The following PVT1 variants were observed in gnomAD, a reference collection of about 807,000 sequenced individuals.
PVT1 encodes Pvt1 oncogene, also known as CXCR4/PVT1 fusion.
At chr8:127,960,726 T>C (rs746082644) in intron 3 of PVT1, 2 of 500,324 alleles carry the variant, frequency 4.0e-6, no homozygotes, top group Admixed American at 4.7e-5. Flanking sequence ...AACTGAGGCA[T>C]AGATAACTGT....
rs769415252 is a variant in PVT1 at position 127,984,877 on chromosome 8, C to CTTTCT, written n.783-4282_783-4278dup. ...TCTTTCTTTCTTTCTTTCTTTCTTT[C>CTTTCT]TTTCTTTCTTTCTTTCTTTCTTTCT... On this transcript the variant is annotated intron_variant and non_coding_transcript_variant, in intron 3 of 10. Coordinates refer to ENST00000651587, the Ensembl canonical transcript of PVT1. Among the ~76,000 whole-genome samples the CTTTCT allele has an allele frequency of 1.1e-4, 10 of 87,436 alleles. 1 individual carries two copies. The highest frequency in any genetic ancestry group is 3.1e-4 in the Admixed American group (2 of 6,448). The allele number at this position is 87,436 out of a possible 152,430, so 57.4% of individuals were successfully genotyped here.
At chr8:127,900,410 C>T (rs180997091) in intron 3 of PVT1, among the ~76,000 whole-genome samples, 2 of 152,246 alleles carry the variant, frequency 1.3e-5, no homozygotes, top group Non-Finnish European at 2.9e-5. Flanking sequence ...CCTTGTCTCC[C>T]ATTCCCCATC....
chr8:127,886,448 C>T (rs1366195427), intron 2 of PVT1, among the ~76,000 whole-genome samples: 1 of 152,176 alleles, frequency 6.6e-6, no homozygotes, highest in Non-Finnish European at 1.5e-5. Context: ...ACTAAAATTA[C>T]ATGTCTGTTA....
chr8:128,084,621 G>A (rs3913317), intron 5 of PVT1, among the ~76,000 whole-genome samples: 2,916 of 152,304 alleles, frequency 0.019, 84 homozygotes, highest in African/African-American at 0.067. Context: ...TTCTGTAGCA[G>A]GTGATCACTA....
At chr8:128,004,610 G>A (rs571379514) in intron 4 of PVT1, among the ~76,000 whole-genome samples, 6 of 152,262 alleles carry the variant, frequency 3.9e-5, no homozygotes, top group Non-Finnish European at 8.8e-5. Flanking sequence ...TATTTGTGGC[G>A]TTAGGACAAC....
At chr8:127,901,068 G>T (rs1201555244) in intron 3 of PVT1, among the ~76,000 whole-genome samples, 1 of 152,212 alleles carries the variant, frequency 6.6e-6, no homozygotes, top group Non-Finnish European at 1.5e-5. Context: ...GGCCTGGAGT[G>T]GGGGTGTGAA....
At chr8:127,854,106 G>A (rs1815136793) in intron 2 of PVT1, among the ~76,000 whole-genome samples, 1 of 152,190 alleles carries the variant, frequency 6.6e-6, no homozygotes. Flanking sequence ...GCATGGCCTT[G>A]CCCTCCGTAG....
chr8:128,093,931 G>A (rs764501045), intron 5 of PVT1, among the ~76,000 whole-genome samples: 14 of 152,144 alleles, frequency 9.2e-5, no homozygotes, highest in African/African-American at 1.2e-4. Context: ...CCACCGTGCC[G>A]TGCCAGCTCT....
intron 4 of PVT1, among the ~76,000 whole-genome samples, chr8:128,051,725 G>C (rs1219513801): frequency 6.6e-6 from 1 of 152,052 alleles, no homozygotes; most frequent in African/African-American, 2.4e-5. Context: ...TGCTGCTGAA[G>C]TTCCTTATAG....
intron 2 of PVT1, among the ~76,000 whole-genome samples, chr8:127,817,390 T>A (rs901332302): frequency 1.5e-5 from 2 of 135,820 alleles, no homozygotes; most frequent in Admixed American, 1.6e-4. Context: ...TATATCTATT[T>A]AATATATATT....
chr8:127,908,938 G>C (rs1326553280), intron 3 of PVT1, among the ~76,000 whole-genome samples: 2 of 152,134 alleles, frequency 1.3e-5, no homozygotes, highest in South Asian at 2.1e-4. Context: ...CCAGCTGCCG[G>C]GTCTTCAAAG....
At chr8:127,934,577 G>GA (rs1348139336) in intron 3 of PVT1, among the ~76,000 whole-genome samples, 3 of 152,242 alleles carry the variant, frequency 2.0e-5, no homozygotes, top group Admixed American at 1.3e-4. Flanking sequence ...GGTCAGGAAA[G>GA]AGTGAATGGG....
At chr8:127,910,151 C>T (rs186872937) in intron 3 of PVT1, among the ~76,000 whole-genome samples, 90 of 152,144 alleles carry the variant, frequency 5.9e-4, no homozygotes, top group Middle Eastern at 3.4e-3. Flanking sequence ...GAGCAATTAG[C>T]GGGGTGCCTA....
intron 2 of PVT1, among the ~76,000 whole-genome samples, chr8:127,873,550 A>C (rs978487256): frequency 6.6e-6 from 1 of 152,060 alleles, no homozygotes; most frequent in Non-Finnish European, 1.5e-5. Context: ...CCGGCGTGCA[A>C]TTTGCATGGA....
At chr8:127,996,986 A>G in intron 4 of PVT1, among the ~76,000 whole-genome samples, 1 of 146,674 alleles carries the variant, frequency 6.8e-6, no homozygotes, top group East Asian at 2.1e-4. Flanking sequence ...CAGGACCCTG[A>G]GGATTTCAGC....
intron 2 of PVT1, among the ~76,000 whole-genome samples, chr8:127,873,962 C>A (rs1353435588): frequency 6.6e-6 from 1 of 152,222 alleles, no homozygotes; most frequent in Admixed American, 6.5e-5. Flanking sequence ...GCACCACTAG[C>A]TGCCAAGCAG....
chr8:127,806,336 C>T (rs1374220498), intron 2 of PVT1, among the ~76,000 whole-genome samples: 1 of 152,048 alleles, frequency 6.6e-6, no homozygotes, highest in Non-Finnish European at 1.5e-5. Context: ...TGGCGTGTGC[C>T]TGTAGTCCCA....
At chr8:127,890,400 A>C (rs1311365052) in intron 2 of PVT1, among the ~76,000 whole-genome samples, 1 of 152,226 alleles carries the variant, frequency 6.6e-6, no homozygotes, top group Non-Finnish European at 1.5e-5. Flanking sequence ...TTCGTACCGC[A>C]GGAGAGGCAG....
intron 2 of PVT1, chr8:127,854,866 T>A (rs558351423): frequency 5.0e-5 from 15 of 302,780 alleles, no homozygotes; most frequent in African/African-American, 2.2e-4. Context: ...ATACCATTTA[T>A]CCATTGGCAC....
Sources: allele counts gnomAD v4.1 joint callset (sites outside exome capture counted in the v4.1 genomes callset), GRCh38; gene constraint gnomAD v4.1.1; transcripts MANE v1.5; gene names NCBI Gene and HGNC (gene_info 2026-07-23, HGNC 2026-07-21).